EFCAB12: variants seen among roughly 807,000 people sequenced by gnomAD.
EFCAB12 encodes EF-hand calcium-binding domain-containing protein 12.
EFCAB12 carries 43 observed loss-of-function variants against 53.6 expected under a neutral mutation model. The observed-to-expected ratio is 0.80, with a 90% confidence interval of 0.63 to 1.03. The LOEUF (loss-of-function observed/expected upper bound fraction) is 1.03. Ranked by LOEUF, EFCAB12 falls within the 50% of genes least tolerant of loss-of-function variation. EFCAB12 has a pLI of 0.00. For missense variants in EFCAB12, 646 were observed against 730.6 expected (o/e 0.88, Z 1.34); for synonymous variants, 269 against 289.2 (o/e 0.93, Z 0.71).
At chr3:129,421,930 G>C (rs1488917451) in intron 1 of EFCAB12, 127 bp from the exon 2 acceptor site, 2 of 945,470 alleles carry the variant, frequency 2.1e-6, no homozygotes, top group African/African-American at 3.3e-5. Flanking sequence ...CTTTATCATT[G>C]TCTTGCTGTA....
intron 6 of EFCAB12, among the ~76,000 whole-genome samples, chr3:129,405,520 T>C (rs2107735771): frequency 6.6e-6 from 1 of 151,172 alleles, no homozygotes; most frequent in African/African-American, 2.4e-5. Flanking sequence ...GTCACTAAAA[T>C]ATTCACAACA....
chr3:129,411,510 G>T, intron 4 of EFCAB12, 156 bp from the exon 5 acceptor site: 1 of 663,290 alleles, frequency 1.5e-6, no homozygotes, highest in Non-Finnish European at 2.4e-6. Flanking sequence ...AGCCACCTAA[G>T]CTGTACCTTA....
chr3:129,402,401 C>T (rs990524992), intron 8 of EFCAB12, 122 bp downstream of exon 8: 1 of 1,093,960 alleles, frequency 9.1e-7, no homozygotes. Flanking sequence ...GTGTCACTGC[C>T]TCTCAGGCCA....
rs528255914 is a variant in EFCAB12 at position 129,407,636 on chromosome 3, G to A, written c.1249+1009C>T. ...ATTAAATTTATACATTCACCAGGCC[G>A]GGTGCGGTGGCTCATGCCTGTCATC... is the stretch of plus-strand genomic sequence containing the variant. On this transcript the variant is annotated intron_variant, in intron 6 of 8. Transcript: ENST00000505956. 2.6e-5 allele frequency among the ~76,000 whole-genome samples: 4 copies of A among 152,300 alleles called. No individual in the cohort carries two copies. The South Asian group carries it at 6.2e-4, about 24-fold the overall frequency.
At position 129,415,162 on chromosome 3, in the gene EFCAB12, T is replaced by C. The variant is rs924283921; in HGVS notation, c.838+83A>G. 6.2e-6 allele frequency: 9 copies of C among 1,448,170 alleles called. No homozygotes were observed. In the Admixed American group the frequency reaches 1.4e-4, roughly 22 times the overall value. The allele number at this position is 1,448,170 out of a possible 1,614,324, so 89.7% of individuals were successfully genotyped here. ...TGGGGAACACACTGAGGAAGTGAGT[T>C]TGGAGGAGAGGCCAAGGCTGCCTGC... On this transcript the variant is annotated intron_variant, in intron 4 of 8. Transcript: ENST00000505956.
At position 129,408,833 on chromosome 3, in the gene EFCAB12, G is replaced by C. The variant is rs371215765; in HGVS notation, c.1061C>G (p.Thr354Arg). ...HKLTIPSIQY[T>R]EQCHLVRCGN... ...ACAGCGCACCAGGTGACATTGCTCC[G>C]TGTACTGGATGGAGGGGATCGTGAG... is the stretch of plus-strand genomic sequence containing the variant. Residue 354 changes from threonine (T) to arginine (R), a missense_variant, in exon 6 of 9, where the codon ACG (threonine) becomes AGG (arginine). Transcript: ENST00000505956. 2.5e-6 allele frequency: 4 copies of C among 1,573,338 alleles called. No homozygotes were observed. The African/African-American group carries it at 5.4e-5, about 21-fold the overall frequency.
intron 8 of EFCAB12, 67 bp from the exon 9 acceptor site, chr3:129,401,918 G>A: frequency 6.4e-7 from 1 of 1,553,084 alleles, no homozygotes; most frequent in African/African-American, 1.4e-5. Context: ...CTTCATCGCA[G>A]AGCCCACCAA....
chr3:129,427,692 C>T (rs1054568639), intron 1 of EFCAB12, among the ~76,000 whole-genome samples: 8 of 152,178 alleles, frequency 5.3e-5, no homozygotes, highest in African/African-American at 9.7e-5. Context: ...CCCCAGCTCT[C>T]ATCTCCCCAC....
intron 8 of EFCAB12, 146 bp from the exon 9 acceptor site, chr3:129,401,997 T>C (rs1055900824): frequency 4.5e-5 from 54 of 1,212,948 alleles, no homozygotes; most frequent in Admixed American, 3.3e-4. Context: ...CACAGTTCCA[T>C]ATGGTCAGCT....
Position 129,401,414 on chromosome 3 carries a change from T to C in EFCAB12, c.*179A>G. On this transcript the variant is annotated 3_prime_UTR_variant, in exon 9 of 9. Coordinates refer to ENST00000505956, the MANE Select transcript of EFCAB12 (RefSeq NM_207307.3). ...AACTGCACGTCATTCCTTGGACACATCTACCCTCTGAGACACTGGACACTT... is the reference window on the plus strand; with the variant it reads ...AACTGCACGTCATTCCTTGGACACACCTACCCTCTGAGACACTGGACACTT... The C allele has an allele frequency of 1.2e-6, 1 of 809,998 alleles. No homozygotes were observed. The highest frequency in any genetic ancestry group is 1.8e-6 in the Non-Finnish European group (1 of 542,758). 50.2% of individuals were successfully genotyped at this position (809,998 alleles called of 1,614,324 possible). A position where few individuals can be genotyped will look rare whatever the true frequency, so the allele number is the denominator to read the frequency against.
Position 129,401,808 on chromosome 3 carries a change from G to A in EFCAB12, c.1504C>T (p.Pro502Ser). The A allele has an allele frequency of 1.2e-6, 2 of 1,613,286 alleles. No homozygotes were observed. Among genetic ancestry groups the A allele is most frequent in the Non-Finnish European group, 1.7e-6 (2 of 1,179,594 alleles). Residue 502 changes from proline (P) to serine (S), a missense_variant, in exon 9 of 9, where the codon CCC (proline) becomes TCC (serine). Transcript: ENST00000505956. ...AGATGACCCGGCCAGAAGGAATTGG[G>A]GTGTGTTTGCTGCAGACCACTGGAC... ...KRSSGLQQTHPNSFWPGHLLD... is the reference protein window; with the variant it reads ...KRSSGLQQTHSNSFWPGHLLD...
At chr3:129,406,866 GTTT>G (rs57346398) in intron 6 of EFCAB12, among the ~76,000 whole-genome samples, 1 of 140,940 alleles carries the variant, frequency 7.1e-6, no homozygotes, top group Non-Finnish European at 1.5e-5. Context: ...ATTTTGGTGG[GTTT>G]TTTTTTTTTT....
At position 129,418,416 on chromosome 3, in the gene EFCAB12, G is replaced by GCGGGACAGC. The variant is rs1559790503; in HGVS notation, c.510_518dup (p.Leu171_Arg173dup). On this transcript the variant is annotated inframe_insertion, in exon 3 of 9. Transcript: ENST00000505956. ...GCAGCTGGAGCTGGGGCACCATCTG[G>GCGGGACAGC]CGGGACAGCCGGGAGAGCCTGGGGG... 1 of 1,612,512 alleles carries GCGGGACAGC rather than the reference G, an allele frequency of 6.2e-7. No individual in the cohort carries two copies.
chr3:129,421,250 T>G, intron 2 of EFCAB12, 117 bp downstream of exon 2: 1 of 1,183,940 alleles, frequency 8.4e-7, no homozygotes. Flanking sequence ...TCAAGACTTC[T>G]GTTTGCTCCT....
At chr3:129,418,178 G>A in intron 3 of EFCAB12, 76 bp downstream of exon 3, 4 of 1,373,240 alleles carry the variant, frequency 2.9e-6, no homozygotes, top group Non-Finnish European at 3.9e-6. Context: ...GCGGGGGAGG[G>A]GCGGGGGTGG....
intron 6 of EFCAB12, among the ~76,000 whole-genome samples, chr3:129,405,534 A>C (rs979779883): frequency 2.0e-5 from 3 of 149,150 alleles, no homozygotes; most frequent in African/African-American, 7.6e-5. Flanking sequence ...CACAACAGCC[A>C]ACTCAGGCTG....
intron 5 of EFCAB12, among the ~76,000 whole-genome samples, 156 bp downstream of exon 5, chr3:129,411,002 T>G (rs1183736511): frequency 6.6e-6 from 1 of 152,192 alleles, no homozygotes; most frequent in Non-Finnish European, 1.5e-5. Context: ...GTATTGTTCT[T>G]ATTTTACAGA....
intron 7 of EFCAB12, chr3:129,403,938 C>A (rs889745447): frequency 3.4e-5 from 7 of 204,176 alleles, no homozygotes; most frequent in African/African-American, 1.6e-4. Flanking sequence ...TGAAGGCCCT[C>A]GCTCCAGCCC....
In EFCAB12 at chr3:129,421,357, G is replaced by C; in HGVS notation, c.486+10C>G. ...CTTGGTGTCTTCATCTGGCAAATGG[G>C]GCTGCTCACCCTGGTGGTCCTGGTA... On this transcript the variant is annotated intron_variant, in intron 2 of 8. Transcript: ENST00000505956. 1 of 1,595,490 alleles carries C rather than the reference G, an allele frequency of 6.3e-7. No homozygotes were observed. The highest frequency in any genetic ancestry group is 8.6e-7 in the Non-Finnish European group (1 of 1,168,100).
Sources: gnomAD v4.1 joint callset for allele counts (sites outside exome capture counted in the v4.1 genomes callset) on GRCh38, gnomAD v4.1.1 for gene constraint, MANE v1.5 for transcripts, NCBI Gene and HGNC (gene_info 2026-07-23, HGNC 2026-07-21) for gene names.